Variants in RAP1GAP2 observed in about 807,000 individuals in gnomAD.
The protein encoded by RAP1GAP2 is rap1 GTPase-activating protein 2.
Under a neutral mutation model 95.0 loss-of-function variants are expected in RAP1GAP2, and 27 were observed. The observed-to-expected ratio is 0.28, with a 90% CI of 0.21 to 0.39. RAP1GAP2 has a LOEUF of 0.39. RAP1GAP2 is among the 10% of genes least tolerant of loss of function. The pLI, the probability that RAP1GAP2 is intolerant of heterozygous loss-of-function variation, is 1.00. For synonymous variants in RAP1GAP2, 373 were observed against 380.9 expected (o/e 0.98, Z 0.24); for missense variants, 771 against 970.0 (o/e 0.79, Z 2.72).
In RAP1GAP2 at chr17:2,968,234, T is replaced by C. The variant is rs1652574161; in HGVS notation, c.596+2591T>C. Among the ~76,000 whole-genome samples, 3 of 152,082 alleles carry C rather than the reference T, an allele frequency of 2.0e-5. No individual in the cohort carries two copies. In the South Asian group the frequency reaches 6.2e-4, roughly 31 times the overall value. Reference sequence around the variant, plus strand: ...ACAGTTGCTGGTTAAGTTAGGGAGATAATAAAATAAAAATGGACAAAAAGA... The same window carrying C: ...ACAGTTGCTGGTTAAGTTAGGGAGACAATAAAATAAAAATGGACAAAAAGA... On this transcript the variant is annotated intron_variant, in intron 8 of 24. Coordinates refer to ENST00000254695, the MANE Select transcript of RAP1GAP2 (RefSeq NM_015085.5).
intron 17 of RAP1GAP2, among the ~76,000 whole-genome samples, chr17:3,010,839 AC>A (rs2046509373): frequency 6.6e-5 from 10 of 152,130 alleles, no homozygotes; most frequent in African/African-American, 2.4e-4. Flanking sequence ...CTGAGGTAGC[AC>A]CGTGGGGCGT....
chr17:2,852,871 G>C (rs766891318), intron 2 of RAP1GAP2, among the ~76,000 whole-genome samples: 1 of 152,132 alleles, frequency 6.6e-6, no homozygotes, highest in Non-Finnish European at 1.5e-5. Flanking sequence ...CCCAGGAGCC[G>C]GCGCGACCTT....
chr17:2,940,395 C>T (rs534368538), intron 3 of RAP1GAP2, among the ~76,000 whole-genome samples: 18 of 152,338 alleles, frequency 1.2e-4, no homozygotes, highest in Non-Finnish European at 1.9e-4. Flanking sequence ...GAAGGCTTCT[C>T]GGCTCCCTGC....
At chr17:2,912,275 C>A (rs1403406559) in intron 3 of RAP1GAP2, among the ~76,000 whole-genome samples, 1 of 152,120 alleles carries the variant, frequency 6.6e-6, no homozygotes, top group Non-Finnish European at 1.5e-5. Context: ...ACCCACCGGC[C>A]ACCCTCTCTC....
chr17:2,818,450 A>G (rs544058413), intron 2 of RAP1GAP2, among the ~76,000 whole-genome samples: 1 of 151,708 alleles, frequency 6.6e-6, no homozygotes, highest in African/African-American at 2.4e-5. Flanking sequence ...CAGCCTCCCA[A>G]GTAGCTGGGA....
chr17:2,811,541 C>T (rs2069768681), intron 2 of RAP1GAP2, among the ~76,000 whole-genome samples: 1 of 152,178 alleles, frequency 6.6e-6, no homozygotes, highest in Non-Finnish European at 1.5e-5. Flanking sequence ...CATTTTATAA[C>T]AGCAGCTGGA....
chr17:2,765,475 C>T (rs1217582327), intron 1 of RAP1GAP2, among the ~76,000 whole-genome samples: 1 of 152,060 alleles, frequency 6.6e-6, no homozygotes, highest in East Asian at 1.9e-4. Flanking sequence ...CGCGGTGGCT[C>T]ACGCCTGTAA....
chr17:2,839,023 C>T (rs1016931692), intron 2 of RAP1GAP2, among the ~76,000 whole-genome samples: 4 of 152,034 alleles, frequency 2.6e-5, no homozygotes, highest in African/African-American at 9.7e-5. Flanking sequence ...ATAGAAAAGG[C>T]CAAGTGTGGT....
chr17:2,905,983 C>T (rs2042185814), intron 3 of RAP1GAP2, among the ~76,000 whole-genome samples: 2 of 152,228 alleles, frequency 1.3e-5, no homozygotes, highest in African/African-American at 2.4e-5. Context: ...CATCACTTTT[C>T]AGTCCGACGC....
At chr17:2,856,686 G>A (rs144443120) in intron 2 of RAP1GAP2, among the ~76,000 whole-genome samples, 5 of 152,300 alleles carry the variant, frequency 3.3e-5, no homozygotes, top group African/African-American at 1.2e-4. Context: ...ATAGGGACAG[G>A]GAGGGATTGG....
chr17:2,755,691 G>T, upstream of RAP1GAP2: 1 of 308,106 alleles, frequency 3.2e-6, no homozygotes, highest in South Asian at 1.4e-4. Context: ...TGCGGCCCGC[G>T]GAGGGCAGGG....
chr17:3,016,788 A>C (rs1262548494), intron 17 of RAP1GAP2, among the ~76,000 whole-genome samples: 1 of 152,194 alleles, frequency 6.6e-6, no homozygotes, highest in Admixed American at 6.5e-5. Flanking sequence ...AGACACCAAC[A>C]TCTCTTTCAC....
chr17:2,981,079 A>G (rs1406590348), intron 9 of RAP1GAP2, 116 bp from the exon 10 acceptor site: 3 of 879,034 alleles, frequency 3.4e-6, no homozygotes, highest in East Asian at 5.4e-5. Flanking sequence ...ATCCCCGCCC[A>G]GGCCTCCTGA....
intron 2 of RAP1GAP2, among the ~76,000 whole-genome samples, chr17:2,801,217 G>A (rs1389386917): frequency 6.0e-5 from 9 of 150,264 alleles, no homozygotes; most frequent in African/African-American, 2.2e-4. Flanking sequence ...GCTCACACCT[G>A]TAATCCCAGC....
In RAP1GAP2 at chr17:3,011,087, C is replaced by T. The variant is rs530945092; in HGVS notation, c.1494+2942C>T. On this transcript the variant is annotated intron_variant, in intron 17 of 24. Coordinates refer to ENST00000254695, the MANE Select transcript of RAP1GAP2 (RefSeq NM_015085.5). ...AATTATAGGTGCCCGCCACCACGCC[C>T]GGCTAACTTTTTGTATTTTTAGTAG... 7.2e-5 allele frequency among the ~76,000 whole-genome samples: 11 copies of T among 152,006 alleles called. 1 individual carries two copies. The highest frequency in any genetic ancestry group is 6.3e-4 in the South Asian group (3 of 4,784).
intron 2 of RAP1GAP2, among the ~76,000 whole-genome samples, chr17:2,831,894 C>CA (rs771858920): frequency 3.3e-5 from 5 of 151,572 alleles, no homozygotes; most frequent in Non-Finnish European, 7.4e-5. Flanking sequence ...GACCCTGTCT[C>CA]AAAAAACAAC....
intron 2 of RAP1GAP2, among the ~76,000 whole-genome samples, chr17:2,897,199 G>A (rs918910202): frequency 5.3e-5 from 8 of 152,128 alleles, no homozygotes; most frequent in Non-Finnish European, 1.0e-4. Flanking sequence ...TTGTTTGGGC[G>A]TGGTGGCGCG....
At position 3,026,926 on chromosome 17, in the gene RAP1GAP2, C is replaced by T. The variant is rs2047137295; in HGVS notation, c.1981-18C>T. 1.3e-6 allele frequency: 2 copies of T among 1,548,860 alleles called. No homozygotes were observed. On this transcript the variant is annotated intron_variant, in intron 21 of 24. Transcript: ENST00000254695. ...GCCGAGGGTGGGCTGGCCTCGCTCA[C>T]CCTGCCTCTCTCCTCAGGGCAGCCA...
At chr17:2,919,564 G>A (rs1051233754) in intron 3 of RAP1GAP2, among the ~76,000 whole-genome samples, 1 of 151,962 alleles carries the variant, frequency 6.6e-6, no homozygotes, top group Non-Finnish European at 1.5e-5. Context: ...TGGGGGCAGG[G>A]CCTAAAAGCC....
Sources: gnomAD v4.1 joint callset for allele counts (sites outside exome capture counted in the v4.1 genomes callset) on GRCh38, gnomAD v4.1.1 for gene constraint, MANE v1.5 for transcripts, NCBI Gene and HGNC (gene_info 2026-07-23, HGNC 2026-07-21) for gene names.